Variants in CSMD2 observed in about 807,000 individuals in gnomAD.
CSMD2 encodes the protein CUB and sushi domain-containing protein 2.
Under a neutral mutation model 398.5 loss-of-function variants are expected in CSMD2, and 130 were observed. That is an observed-to-expected ratio of 0.33 (90% CI 0.28 to 0.38). The LOEUF is 0.38. CSMD2 is among the 10% of genes least tolerant of loss of function. CSMD2 has a pLI of 1.00. For synonymous variants in CSMD2, 1,828 were observed against 1,908.5 expected, an observed-to-expected ratio of 0.96 and a Z score of 1.10; for missense variants, 3,829 against 4,764.9, an observed-to-expected ratio of 0.80 and a Z score of 5.78.
At chr1:33,889,907 A>C (rs1328403182) in intron 5 of CSMD2, among the ~76,000 whole-genome samples, 1 of 151,856 alleles carries the variant, frequency 6.6e-6, no homozygotes, top group Admixed American at 6.6e-5. Flanking sequence ...TTTATTCTGT[A>C]CTCTCAGGTA....
At chr1:33,538,353 A>G (rs535325349) in intron 60 of CSMD2, among the ~76,000 whole-genome samples, 48 of 152,284 alleles carry the variant, frequency 3.2e-4, no homozygotes, top group African/African-American at 1.1e-3. Flanking sequence ...GGGTGTACCC[A>G]TTTCATTCAG....
chr1:33,668,482 T>G (rs1644386585), intron 25 of CSMD2, among the ~76,000 whole-genome samples: 1 of 152,194 alleles, frequency 6.6e-6, no homozygotes, highest in Admixed American at 6.5e-5. Context: ...CAACCACATT[T>G]ATTAAGACTC....
chr1:33,881,473 A>G (rs1641236731), intron 5 of CSMD2, among the ~76,000 whole-genome samples: 1 of 152,168 alleles, frequency 6.6e-6, no homozygotes, highest in South Asian at 2.1e-4. Flanking sequence ...GGAAGCATGA[A>G]GGCATGGCAG....
intron 2 of CSMD2, among the ~76,000 whole-genome samples, chr1:34,074,632 G>T (rs1210764935): frequency 6.6e-6 from 1 of 152,160 alleles, no homozygotes; most frequent in Non-Finnish European, 1.5e-5. Flanking sequence ...TCTCTGTTAG[G>T]CCCTGGAGAG....
At chr1:33,975,157 C>A (rs1273347050) in intron 3 of CSMD2, among the ~76,000 whole-genome samples, 1 of 152,172 alleles carries the variant, frequency 6.6e-6, no homozygotes, top group African/African-American at 2.4e-5. Flanking sequence ...GTGTCACTCT[C>A]CAGGGTACAT....
intron 14 of CSMD2, among the ~76,000 whole-genome samples, chr1:33,740,979 T>C (rs1647041306): frequency 6.6e-6 from 1 of 152,032 alleles, no homozygotes; most frequent in Non-Finnish European, 1.5e-5. Flanking sequence ...GTGAAAGGGG[T>C]AGATCTTGCT....
At chr1:33,914,491 C>T (rs1003929862) in intron 5 of CSMD2, among the ~76,000 whole-genome samples, 7 of 151,876 alleles carry the variant, frequency 4.6e-5, no homozygotes, top group Middle Eastern at 3.2e-3. Flanking sequence ...TGGGTTGTAA[C>T]CCTCAGTCAG....
intron 13 of CSMD2, among the ~76,000 whole-genome samples, chr1:33,757,456 G>T (rs1394086142): frequency 6.6e-6 from 1 of 152,084 alleles, no homozygotes; most frequent in Non-Finnish European, 1.5e-5. Context: ...AAGGTTCTCT[G>T]GGACCTGGAA....
At chr1:33,561,338 C>A (rs1658523432) in intron 53 of CSMD2, among the ~76,000 whole-genome samples, 1 of 152,170 alleles carries the variant, frequency 6.6e-6, no homozygotes. Flanking sequence ...GCCAGCAGAC[C>A]AGGATTTCGG....
At chr1:33,612,187 T>C (rs558235983) in intron 40 of CSMD2, among the ~76,000 whole-genome samples, 1 of 152,332 alleles carries the variant, frequency 6.6e-6, no homozygotes, top group African/African-American at 2.4e-5. Context: ...GACTAAGCCA[T>C]TAGTGATTAT....
At chr1:33,569,634 A>G (rs1381298937) in intron 51 of CSMD2, 87 bp from the exon 52 acceptor site, 2 of 1,359,236 alleles carry the variant, frequency 1.5e-6, no homozygotes, top group African/African-American at 2.9e-5. Flanking sequence ...GACAAAAATA[A>G]GACCTGTTTA....
chr1:33,527,653 T>C lies in CSMD2; in HGVS notation c.10172-395A>G, dbSNP rs148610417. 1.5e-3 allele frequency among the ~76,000 whole-genome samples: 234 copies of C among 152,318 alleles called. 2 individuals are homozygous for C. The highest frequency in any genetic ancestry group is 5.5e-3 in the African/African-American group (229 of 41,570). ...TGATATTGGTAGCAACTGGAATATA[T>C]ACAAAAGTCTTTTCAATTTCTACTG... On this transcript the variant is annotated intron_variant, in intron 64 of 70. Transcript: ENST00000373381.
chr1:34,013,441 C>A (rs1647647000), intron 3 of CSMD2, among the ~76,000 whole-genome samples: 1 of 152,154 alleles, frequency 6.6e-6, no homozygotes, highest in Non-Finnish European at 1.5e-5. Flanking sequence ...TCCTGAGACC[C>A]CAAATCCCTC....
chr1:33,987,354 A>G (rs1243164463), intron 3 of CSMD2, among the ~76,000 whole-genome samples: 1 of 152,162 alleles, frequency 6.6e-6, no homozygotes, highest in Admixed American at 6.5e-5. Flanking sequence ...AATCCGCATA[A>G]TACCCCAGAA....
In CSMD2 at chr1:33,845,372, G is replaced by A. The variant is rs537134532; in HGVS notation, c.1033+1512C>T. On this transcript the variant is annotated intron_variant, in intron 6 of 70. Coordinates refer to ENST00000373381, the MANE Select transcript of CSMD2 (RefSeq NM_001281956.2). ...GCAATGTACATACAGTGCCTAGCAC[G>A]GGGCCTGGTGTGCACAGATGTGGAA... Among the ~76,000 whole-genome samples, 10 of 152,322 alleles carry A rather than the reference G, an allele frequency of 6.6e-5. No individual in the cohort carries two copies. The South Asian group carries it at 8.3e-4, about 13-fold the overall frequency.
At chr1:33,526,013 C>CA (rs1416468006) in intron 65 of CSMD2, among the ~76,000 whole-genome samples, 6 of 151,906 alleles carry the variant, frequency 3.9e-5, no homozygotes, top group Admixed American at 3.3e-4. Context: ...GTTCTCATCA[C>CA]AAAAAAATGA....
At chr1:33,523,120 T>C (rs1570610338) in intron 67 of CSMD2, among the ~76,000 whole-genome samples, 187 bp downstream of exon 67, 1 of 152,242 alleles carries the variant, frequency 6.6e-6, no homozygotes, top group African/African-American at 2.4e-5. Context: ...CTTCTGTCTT[T>C]TAAAATCTTT....
At position 33,521,525 on chromosome 1, in the gene CSMD2, G is replaced by A; in HGVS notation, c.10535C>T (p.Thr3512Ile). 6.2e-7 allele frequency: 1 copy of A among 1,613,700 alleles called. No individual in the cohort carries two copies. The highest frequency in any genetic ancestry group is 1.3e-5 in the African/African-American group (1 of 75,042). Residue 3512 changes from threonine to isoleucine, a missense_variant, in exon 68 of 71, where the codon ACC (threonine) becomes ATC (isoleucine). Physicochemically the swap from Thr to Ile is moderately conservative, Grantham distance 89. Around this residue, in one of 5 missense-constraint regions of CSMD2, gnomAD observed 917 missense variants for 1,199.5 expected, o/e 0.76. Transcript: ENST00000373381. Reference sequence around the variant, plus strand: ...CTTGACAGAGCCTTGGTAGATGAAGGTGGCTCCGGAGGACTCTGACGAGAC... The same window carrying A: ...CTTGACAGAGCCTTGGTAGATGAAGATGGCTCCGGAGGACTCTGACGAGAC... ...GHVSSESSGA[T>I]FIYQGSVKGQ...
chr1:33,853,165 A>G (rs945588303), intron 5 of CSMD2, among the ~76,000 whole-genome samples: 7 of 152,216 alleles, frequency 4.6e-5, no homozygotes, highest in Non-Finnish European at 8.8e-5. Flanking sequence ...CTTCCCTTTG[A>G]TCATGGGTTT....
Sources: allele counts gnomAD v4.1 joint callset (sites outside exome capture counted in the v4.1 genomes callset), GRCh38; gene constraint gnomAD v4.1.1; regional missense constraint gnomAD v4.1.1; transcripts MANE v1.5; gene names NCBI Gene and HGNC (gene_info 2026-07-23, HGNC 2026-07-21).